DMD: variants seen among roughly 807,000 people sequenced by gnomAD.
DMD encodes the protein dystrophin, also known as mutant dystrophin.
A neutral mutation model predicts 330.1 loss-of-function variants in DMD; 63 were observed. That is an observed-to-expected ratio of 0.19 (90% CI 0.16 to 0.24). The LOEUF (loss-of-function observed/expected upper bound fraction) is 0.24, where lower values mean the gene tolerates loss of function less well. DMD is among the 10% of genes least tolerant of loss of function. The pLI is 1.00. For synonymous variants in DMD, 1,223 were observed against 959.8 expected (o/e 1.27, Z -5.07); for missense variants, 3,344 against 2,684.1 (o/e 1.25, Z -5.43).
rs774151183 is a variant in DMD, at chrX:31,499,489, C to CTTTTT, written c.8391-2550_8391-2546dup. Among the ~76,000 whole-genome samples the CTTTTT allele has an allele frequency of 6.3e-3, 525 of 83,612 alleles. 13 individuals carry two copies. Among genetic ancestry groups the CTTTTT allele is most frequent in the East Asian group, 0.019 (48 of 2,512 alleles). The allele number at this position is 83,612 out of a possible 115,157, so 72.6% of individuals were successfully genotyped here. A position where few individuals can be genotyped will look rare whatever the true frequency, so the allele number is the denominator to read the frequency against. ...TAACTGAGACCTAGGGAATTCAGTT[C>CTTTTT]TTTTTTTTTTTTTTTTTTGGTGAGA... On this transcript the variant is annotated intron_variant, in intron 56 of 78. Coordinates refer to ENST00000357033, the MANE Select transcript of DMD (RefSeq NM_004006.3).
intron 13 of DMD, among the ~76,000 whole-genome samples, chrX:32,582,368 A>T (rs73461704): frequency 0.057 from 6,362 of 111,880 alleles, 424 homozygotes; most frequent in African/African-American, 0.19. Flanking sequence ...CACAAATAGA[A>T]AATGAAATTT....
intron 1 of DMD, among the ~76,000 whole-genome samples, chrX:33,179,648 C>A (rs1188131119): frequency 2.8e-5 from 3 of 105,302 alleles, no homozygotes; most frequent in African/African-American, 1.0e-4. Flanking sequence ...GAGCCGAGAT[C>A]GCGCCACTGC....
chrX:32,474,840 C>T (rs979283919), intron 21 of DMD, among the ~76,000 whole-genome samples: 1 of 111,558 alleles, frequency 9.0e-6, no homozygotes, highest in African/African-American at 3.3e-5. Context: ...TTTTGCTGTG[C>T]AAAAGCTTTT....
At chrX:32,487,857 A>G (rs1603634673) in intron 20 of DMD, among the ~76,000 whole-genome samples, 1 of 111,876 alleles carries the variant, frequency 8.9e-6, no homozygotes, top group African/African-American at 3.2e-5. Flanking sequence ...GTTGGTATAT[A>G]TCCATGGATA....
At chrX:32,109,051 C>G (rs115412262) in intron 44 of DMD, among the ~76,000 whole-genome samples, 17,552 of 111,137 alleles carry the variant, frequency 0.16, 2,033 homozygotes, top group African/African-American at 0.41. Flanking sequence ...AATTTTTTCT[C>G]TATGCTCATC....
chrX:32,481,893 A>C (rs763566195), intron 21 of DMD, among the ~76,000 whole-genome samples: 26 of 112,127 alleles, frequency 2.3e-4, no homozygotes, highest in Non-Finnish European at 2.6e-4. Context: ...GTGTTCAAAA[A>C]TATTTCTTGA....
intron 16 of DMD, among the ~76,000 whole-genome samples, chrX:32,550,579 G>A (rs1193976662): frequency 3.6e-5 from 4 of 110,431 alleles, no homozygotes; most frequent in Non-Finnish European, 5.7e-5. Context: ...CACAAGGAAC[G>A]AGAAACAATA....
intron 52 of DMD, among the ~76,000 whole-genome samples, chrX:31,728,179 C>T (rs768795887): frequency 2.7e-5 from 3 of 111,659 alleles, no homozygotes; most frequent in East Asian, 5.7e-4. Flanking sequence ...CCCGCCACCA[C>T]GCCCGGCTAA....
At chrX:32,573,871 G>A in intron 13 of DMD, 25 bp from the exon 14 acceptor site, 1 of 1,152,191 alleles carries the variant, frequency 8.7e-7, no homozygotes, top group Non-Finnish European at 1.2e-6. Flanking sequence ...ATCAAGCACA[G>A]CATCAGCAAA....
At chrX:32,960,892 A>G (rs1349254766) in intron 2 of DMD, among the ~76,000 whole-genome samples, 1 of 99,511 alleles carries the variant, frequency 1.0e-5, no homozygotes, top group Non-Finnish European at 2.0e-5. Context: ...GAAGGTAAAC[A>G]TGATTATTTT....
intron 1 of DMD, among the ~76,000 whole-genome samples, chrX:33,090,429 A>G (rs1356590175): frequency 9.3e-6 from 1 of 107,912 alleles, no homozygotes; most frequent in African/African-American, 3.3e-5. Flanking sequence ...ACTCGATATT[A>G]TATATATACA....
intron 16 of DMD, among the ~76,000 whole-genome samples, chrX:32,547,382 C>T (rs1272026092): frequency 9.0e-6 from 1 of 110,805 alleles, no homozygotes; most frequent in African/African-American, 3.3e-5. Context: ...TAAAAATATA[C>T]TCAACCTTTT....
At chrX:31,540,562 C>T (rs932126999) in intron 55 of DMD, among the ~76,000 whole-genome samples, 3 of 112,103 alleles carry the variant, frequency 2.7e-5, no homozygotes, top group Admixed American at 9.5e-5. Context: ...CAAAAGGAGA[C>T]GCTCTTGATT....
rs780462097 is a variant in DMD, at chrX:32,733,580, A to G, written c.650-34287T>C. Among the ~76,000 whole-genome samples the G allele has an allele frequency of 3.6e-3, 405 of 111,667 alleles. 4 individuals carry two copies. The highest frequency in any genetic ancestry group is 0.012 in the African/African-American group (370 of 30,415). ...CAAACTATCTCTCAGACCACAGTGCAATCAAACTAGAACTCAGAATTAAGA... is the reference window on the plus strand; with the variant it reads ...CAAACTATCTCTCAGACCACAGTGCGATCAAACTAGAACTCAGAATTAAGA... On this transcript the variant is annotated intron_variant, in intron 7 of 78. Coordinates refer to ENST00000357033, the MANE Select transcript of DMD (RefSeq NM_004006.3).
intron 76 of DMD, among the ~76,000 whole-genome samples, chrX:31,141,936 T>C (rs2036109807): frequency 9.0e-6 from 1 of 111,175 alleles, no homozygotes; most frequent in East Asian, 2.8e-4. Flanking sequence ...TATATGGTAA[T>C]CTGGCATAAA....
intron 63 of DMD, among the ~76,000 whole-genome samples, chrX:31,237,628 C>T (rs1428643868): frequency 8.9e-6 from 1 of 112,408 alleles, no homozygotes; most frequent in Admixed American, 9.4e-5. Context: ...TAAAGGATGC[C>T]TGAAGCGTTC....
chrX:31,810,323 TG>T (rs2092422920), intron 50 of DMD, among the ~76,000 whole-genome samples: 1 of 110,939 alleles, frequency 9.0e-6, no homozygotes, highest in Admixed American at 9.6e-5. Context: ...TGCCAGACCA[TG>T]GGGACTCATC....
At chrX:31,212,291 G>A (rs2044809588) in intron 64 of DMD, among the ~76,000 whole-genome samples, 1 of 109,488 alleles carries the variant, frequency 9.1e-6, no homozygotes, top group African/African-American at 3.3e-5. Flanking sequence ...TATGTTTACA[G>A]TAGAGGATGC....
At chrX:31,335,037 A>T in intron 61 of DMD, among the ~76,000 whole-genome samples, 1 of 111,836 alleles carries the variant, frequency 8.9e-6, no homozygotes, top group Non-Finnish European at 1.9e-5. Flanking sequence ...CCCTTCTCCC[A>T]TCCTCTAGCC....
Sources: gnomAD v4.1 joint callset for allele counts (sites outside exome capture counted in the v4.1 genomes callset) on GRCh38, gnomAD v4.1.1 for gene constraint, MANE v1.5 for transcripts, NCBI Gene and HGNC (gene_info 2026-07-23, HGNC 2026-07-21) for gene names.